The following CLPX variants were observed in gnomAD, a reference collection of about 807,000 sequenced individuals.
The protein encoded by CLPX is caseinolytic mitochondrial matrix peptidase chaperone subunit X, also known as ATP-dependent clpX-like chaperone, mitochondrial.
A neutral mutation model predicts 76.4 loss-of-function variants in CLPX; 34 were observed. The observed-to-expected ratio is 0.45, with a 90% CI of 0.34 to 0.59. CLPX has a LOEUF of 0.59. Ranked by LOEUF, CLPX falls within the 20% of genes least tolerant of loss-of-function variation. CLPX has a pLI of 0.01. For synonymous variants in CLPX, 248 were observed against 270.9 expected, an observed-to-expected ratio of 0.92 and a Z score of 0.83; for missense variants, 613 against 757.0, an observed-to-expected ratio of 0.81 and a Z score of 2.23.
intron 4 of CLPX, among the ~76,000 whole-genome samples, chr15:65,165,056 G>A (rs1176129987): frequency 1.3e-5 from 2 of 152,150 alleles, no homozygotes; most frequent in Admixed American, 1.3e-4. Context: ...ACCAACTCCT[G>A]CCGGGCTTGG....
rs145651001 is a variant in CLPX at position 65,154,950 on chromosome 15, A to G, written c.1443T>C (p.His481=). The stretch of plus-strand genomic sequence containing the variant: ...ACTCAATCAGATCTCTGGCTTCCAC[A>G]TGACGCAATAACCGATCTTTTTCTT... ...DIEEKDRLLR[H]VEARDLIEFG... Residue 481 remains histidine (H), a synonymous_variant, in exon 11 of 14, where the codon CAT becomes CAC. Transcript: ENST00000300107. 2,677 of 1,614,162 alleles carry G rather than the reference A, an allele frequency of 1.7e-3. 13 individuals carry two copies. Among genetic ancestry groups the G allele is most frequent in the Middle Eastern group, 5.6e-3 (34 of 6,062 alleles).
intron 12 of CLPX, 77 bp from the exon 13 acceptor site, chr15:65,152,613 G>A: frequency 3.6e-6 from 2 of 561,492 alleles, no homozygotes; most frequent in Non-Finnish European, 5.5e-6. Flanking sequence ...ATCACAAATT[G>A]GAATCCATTC....
chr15:65,176,239 GGGAATCTCT>G, intron 3 of CLPX, among the ~76,000 whole-genome samples: 1 of 152,300 alleles, frequency 6.6e-6, no homozygotes, highest in African/African-American at 2.4e-5. Flanking sequence ...GAAGGAGTTT[GGGAATCTCT>G]AAGTTTAACA....
intron 1 of CLPX, chr15:65,184,238 T>A (rs1361752296): frequency 6.6e-6 from 1 of 152,258 alleles, no homozygotes; most frequent in African/African-American, 2.4e-5. Context: ...GTGGTCTGAC[T>A]TCCACAGATT....
chr15:65,155,654 GCTCTCTATC>G (rs759478390), intron 10 of CLPX, 29 bp downstream of exon 10: 2 of 1,532,610 alleles, frequency 1.3e-6, no homozygotes, highest in Non-Finnish European at 1.8e-6. Flanking sequence ...TCCTTTAAAT[GCTCTCTATC>G]CTTCTAGTAA....
intron 8 of CLPX, 144 bp downstream of exon 8, chr15:65,157,602 A>G: frequency 1.3e-6 from 1 of 794,514 alleles, no homozygotes. Flanking sequence ...CTTAATCAGT[A>G]TGCTAGAAAT....
At chr15:65,153,840 C>T (rs1404206886) in intron 11 of CLPX, among the ~76,000 whole-genome samples, 1 of 152,112 alleles carries the variant, frequency 6.6e-6, no homozygotes, top group Non-Finnish European at 1.5e-5. Context: ...TCTAGATTAA[C>T]ACGGACTCCC....
At chr15:65,157,640 T>G in intron 8 of CLPX, 106 bp downstream of exon 8, 1 of 1,066,194 alleles carries the variant, frequency 9.4e-7, no homozygotes, top group Non-Finnish European at 1.3e-6. Context: ...TTTATATAAT[T>G]ACAGAATTTT....
Position 65,157,855 on chromosome 15 carries a change from G to A in CLPX, c.948C>T (p.Ile316=). 1 of 1,613,484 alleles carries A rather than the reference G, an allele frequency of 6.2e-7. No homozygotes were observed. The highest frequency in any genetic ancestry group is 8.5e-7 in the Non-Finnish European group (1 of 1,179,744). Residue 316 remains isoleucine, a synonymous_variant, in exon 8 of 14, where the codon ATC becomes ATT. Coordinates refer to ENST00000300107, the MANE Select transcript of CLPX (RefSeq NM_006660.5). ...CCTGAGTCAAAGTTGTACAGTCACAGATAGCAAAAGGGACATCAAGGCATT... is the reference window on the plus strand; with the variant it reads ...CCTGAGTCAAAGTTGTACAGTCACAAATAGCAAAAGGGACATCAAGGCATT... ...LAKCLDVPFA[I]CDCTTLTQAG...
chr15:65,155,669 A>C, intron 10 of CLPX, 23 bp downstream of exon 10: 2 of 1,597,786 alleles, frequency 1.3e-6, no homozygotes, highest in Non-Finnish European at 8.6e-7. Flanking sequence ...CTATCCTTCT[A>C]GTAACCCCTC....
chr15:65,165,538 C>G (rs1022459406), intron 4 of CLPX, among the ~76,000 whole-genome samples: 99 of 152,000 alleles, frequency 6.5e-4, no homozygotes, highest in Middle Eastern at 3.4e-3. Flanking sequence ...CACCCGCCAC[C>G]ACGCCGGGCT....
At chr15:65,177,274 G>C (rs912838935) in intron 3 of CLPX, among the ~76,000 whole-genome samples, 1 of 152,048 alleles carries the variant, frequency 6.6e-6, no homozygotes, top group Non-Finnish European at 1.5e-5. Context: ...TCACCATATT[G>C]AGCAGGCTGG....
intron 4 of CLPX, among the ~76,000 whole-genome samples, chr15:65,165,415 GCT>G (rs1207017061): frequency 9.0e-6 from 1 of 111,148 alleles, no homozygotes; most frequent in Non-Finnish European, 1.7e-5. Context: ...ACGGAGTCTC[GCT>G]CTTTCACCCA....
chr15:65,169,626 G>A (rs1344972461), intron 3 of CLPX, among the ~76,000 whole-genome samples: 2 of 152,116 alleles, frequency 1.3e-5, no homozygotes, highest in African/African-American at 4.8e-5. Flanking sequence ...TGAGGCAGGA[G>A]AACTGCTTGA....
rs1208765019 is a variant in CLPX, at chr15:65,178,870, T to G, written c.358+64A>C. ...TACATTTTACATAATTTACATATTT[T>G]TATACACTTAGTAATTTACAGAAAA... On this transcript the variant is annotated intron_variant, in intron 3 of 13. Coordinates refer to ENST00000300107, the MANE Select transcript of CLPX (RefSeq NM_006660.5). 9 of 910,036 alleles carry G rather than the reference T, an allele frequency of 9.9e-6. No individual in the cohort carries two copies. In the Admixed American group the frequency reaches 1.8e-4, roughly 18 times the overall value. The allele number at this position is 910,036 out of a possible 1,614,324, so 56.4% of individuals were successfully genotyped here. A position where few individuals can be genotyped will look rare whatever the true frequency, so the allele number is the denominator to read the frequency against.
At chr15:65,157,625 G>A (rs1210202724) in intron 8 of CLPX, 121 bp downstream of exon 8, 1 of 943,936 alleles carries the variant, frequency 1.1e-6, no homozygotes, top group South Asian at 1.9e-5. Flanking sequence ...TGTAACAAAG[G>A]TACTTTTATA....
Position 65,152,475 on chromosome 15 carries a change from A to G in CLPX, c.1766T>C (p.Val589Ala). 6.4e-7 allele frequency: 1 copy of G among 1,560,684 alleles called. No homozygotes were observed. The highest frequency in any genetic ancestry group is 8.7e-7 in the Non-Finnish European group (1 of 1,154,440). Residue 589 changes from valine (V) to alanine (A), a missense_variant, in exon 13 of 14, where the codon GTT becomes GCT. By Grantham distance (64) the Val-to-Ala change is moderately conservative. Coordinates refer to ENST00000300107, the MANE Select transcript of CLPX (RefSeq NM_006660.5). ...TTTTCCTTCTACTACTTCTTTGTCA[A>G]CCTCCACACATACGATATCAGAATT... ...VPNSDIVCVEVDKEVVEGKKE... is the reference protein window; with the variant it reads ...VPNSDIVCVEADKEVVEGKKE...
intron 12 of CLPX, 78 bp from the exon 13 acceptor site, chr15:65,152,614 G>A (rs1038823066): frequency 3.6e-6 from 2 of 552,652 alleles, no homozygotes; most frequent in Admixed American, 3.8e-5. Context: ...TCACAAATTG[G>A]AATCCATTCA....
In CLPX at chr15:65,156,944, G is replaced by A; in HGVS notation, c.1058-12C>T. On this transcript the variant is annotated splice_polypyrimidine_tract_variant and intron_variant, in intron 8 of 13. Coordinates refer to ENST00000300107, the MANE Select transcript of CLPX (RefSeq NM_006660.5). ...CAGAAAGACAATTCCTATAATTTAA[G>A]GAGGATTCTATTTATAATACGAAAA... The A allele has an allele frequency of 6.4e-7, 1 of 1,566,730 alleles. No individual in the cohort carries two copies. Among genetic ancestry groups the A allele is most frequent in the South Asian group, 1.1e-5 (1 of 89,090 alleles).
Sources: allele counts gnomAD v4.1 joint callset (sites outside exome capture counted in the v4.1 genomes callset), GRCh38; gene constraint gnomAD v4.1.1; transcripts MANE v1.5; gene names NCBI Gene and HGNC (gene_info 2026-07-23, HGNC 2026-07-21).